TBC1D30: variants seen among roughly 807,000 people sequenced by gnomAD.
TBC1D30 encodes the protein TBC1 domain family member 30, also known as TBC1 domain family, member 30.
In TBC1D30, 31 loss-of-function variants were observed where a neutral mutation model predicts 63.2. The observed-to-expected ratio is 0.49, with a 90% CI of 0.37 to 0.66. The LOEUF is 0.66. Ranked by LOEUF, TBC1D30 falls within the 30% of genes least tolerant of loss-of-function variation. TBC1D30 has a pLI of 0.00. For missense variants in TBC1D30, 810 were observed against 953.6 expected, an observed-to-expected ratio of 0.85 and a Z score of 1.98; for synonymous variants, 307 against 361.5, an observed-to-expected ratio of 0.85 and a Z score of 1.71.
exon 1 of TBC1D30, chr12:64,781,138 G>A (rs1230139130): frequency 9.9e-7 from 1 of 1,008,186 alleles, no homozygotes; most frequent in African/African-American, 1.7e-5. Context: ...GCCGCCGGCG[G>A]CGCCGCGACA....
intron 1 of TBC1D30, chr12:64,785,821 A>G (rs1278394263): frequency 2.5e-6 from 3 of 1,223,776 alleles, no homozygotes; most frequent in Non-Finnish European, 3.2e-6. Flanking sequence ...CTAATATCAC[A>G]CTGGAATTTG....
intron 2 of TBC1D30, among the ~76,000 whole-genome samples, chr12:64,805,366 G>GTGA (rs1251871694): frequency 5.3e-5 from 8 of 152,206 alleles, no homozygotes; most frequent in African/African-American, 1.9e-4. Context: ...CTAGAAAAGT[G>GTGA]TGATAATAAT....
intron 1 of TBC1D30, among the ~76,000 whole-genome samples, chr12:64,765,813 T>G: frequency 7.9e-6 from 1 of 127,032 alleles, no homozygotes; most frequent in African/African-American, 3.2e-5. Flanking sequence ...CTGGGCGACT[T>G]GACAAAACCC....
intron 2 of TBC1D30, among the ~76,000 whole-genome samples, chr12:64,796,646 TGGGG>T (rs1420208675): frequency 6.6e-6 from 1 of 152,112 alleles, no homozygotes; most frequent in East Asian, 1.9e-4. Flanking sequence ...CTTCTAGAAG[TGGGG>T]ATATTTTGCA....
upstream of TBC1D30, among the ~76,000 whole-genome samples, chr12:64,778,126 T>G (rs1348779189): frequency 7.2e-5 from 11 of 152,224 alleles, no homozygotes; most frequent in Non-Finnish European, 2.9e-5. Context: ...AGTTTCCTGG[T>G]GGCAGTAGTG....
At chr12:64,857,281 C>T (rs1353048972) in intron 8 of TBC1D30, among the ~76,000 whole-genome samples, 1 of 152,108 alleles carries the variant, frequency 6.6e-6, no homozygotes, top group Non-Finnish European at 1.5e-5. Flanking sequence ...ATTCAGGGTC[C>T]AAGGACTCTT....
At chr12:64,834,786 CTA>C (rs1875198081) in intron 5 of TBC1D30, among the ~76,000 whole-genome samples, 1 of 141,412 alleles carries the variant, frequency 7.1e-6, no homozygotes, top group South Asian at 2.3e-4. Flanking sequence ...TGAGCTGGCT[CTA>C]TGTCTTCACA....
chr12:64,867,459 CAA>C (rs72095710), intron 10 of TBC1D30, among the ~76,000 whole-genome samples: 6,257 of 131,588 alleles, frequency 0.048, 430 homozygotes, highest in African/African-American at 0.16. Context: ...GACTCCATCT[CAA>C]AAAAAAAAAA....
At chr12:64,812,644 TTGAACC>T (rs1285423931) in intron 2 of TBC1D30, among the ~76,000 whole-genome samples, 1 of 152,176 alleles carries the variant, frequency 6.6e-6, no homozygotes, top group Non-Finnish European at 1.5e-5. Context: ...AAAAAAATGG[TTGAACC>T]AAATTTTAGA....
At chr12:64,767,781 G>A (rs1385845915) in intron 1 of TBC1D30, among the ~76,000 whole-genome samples, 1 of 56,436 alleles carries the variant, frequency 1.8e-5, no homozygotes, top group African/African-American at 6.3e-5. Context: ...AGATACACAT[G>A]CTCCGGCGGG....
At chr12:64,853,001 G>A (rs1877005200) in intron 8 of TBC1D30, among the ~76,000 whole-genome samples, 1 of 152,186 alleles carries the variant, frequency 6.6e-6, no homozygotes, top group South Asian at 2.1e-4. Flanking sequence ...CTATCCCTTG[G>A]TAGAGCTCGA....
At chr12:64,760,705 C>T (rs1395608734) in intron 1 of TBC1D30, among the ~76,000 whole-genome samples, 1 of 151,284 alleles carries the variant, frequency 6.6e-6, no homozygotes, top group Non-Finnish European at 1.5e-5. Context: ...TCTCTTAAAA[C>T]TCGTGAAAAC....
At position 64,824,863 on chromosome 12, in the gene TBC1D30, GC is replaced by G; in HGVS notation, c.-14del. 6.5e-7 allele frequency: 1 copy of G among 1,531,984 alleles called. No individual in the cohort carries two copies. Among genetic ancestry groups the G allele is most frequent in the South Asian group, 1.2e-5 (1 of 83,640 alleles). 94.9% of individuals were successfully genotyped at this position (1,531,984 alleles called of 1,614,324 possible). The stretch of plus-strand genomic sequence containing the variant: ...CGAGACGGACGGTAGCCGTGCCAGA[GC>G]CCGGGGCGCTCTCGGATGCGGCAGG... On this transcript the variant is annotated 5_prime_UTR_variant, in exon 1 of 12. Coordinates refer to ENST00000539867, the MANE Select transcript of TBC1D30 (RefSeq NM_015279.2).
At chr12:64,855,846 GA>G in intron 8 of TBC1D30, among the ~76,000 whole-genome samples, 1 of 152,286 alleles carries the variant, frequency 6.6e-6, no homozygotes. Flanking sequence ...GGATGGTGTT[GA>G]TGCTTGTAGA....
intron 2 of TBC1D30, among the ~76,000 whole-genome samples, chr12:64,816,065 C>G (rs1372622576): frequency 1.3e-5 from 2 of 148,984 alleles, no homozygotes. Context: ...TGGAGTCTCG[C>G]TCTGTTGCCC....
At chr12:64,788,189 A>AGG (rs1233046698) in intron 2 of TBC1D30, among the ~76,000 whole-genome samples, 7 of 142,200 alleles carry the variant, frequency 4.9e-5, no homozygotes, top group African/African-American at 1.1e-4. Context: ...AAGGGTGTGT[A>AGG]GGGGTGTGTG....
chr12:64,859,765 A>C (rs1243023934), intron 8 of TBC1D30, among the ~76,000 whole-genome samples: 1 of 140,030 alleles, frequency 7.1e-6, no homozygotes, highest in South Asian at 2.1e-4. Flanking sequence ...TGACCTATCC[A>C]AGGTGTTCCT....
At chr12:64,775,568 A>C (rs527942783), upstream of TBC1D30, among the ~76,000 whole-genome samples, 13 of 152,372 alleles carry the variant, frequency 8.5e-5, no homozygotes, top group African/African-American at 2.6e-4. Context: ...TCAATTCAAC[A>C]AGAAGACCTA....
chr12:64,775,203 T>C (rs1289747413), intron 1 of TBC1D30, among the ~76,000 whole-genome samples: 1 of 151,792 alleles, frequency 6.6e-6, no homozygotes, highest in East Asian at 1.9e-4. Flanking sequence ...AGTGACACTA[T>C]AAAACAACTA....
Sources: allele counts gnomAD v4.1 joint callset (sites outside exome capture counted in the v4.1 genomes callset), GRCh38; gene constraint gnomAD v4.1.1; transcripts MANE v1.5; gene names NCBI Gene and HGNC (gene_info 2026-07-23, HGNC 2026-07-21).